The following VWF variants were observed in gnomAD, a reference collection of about 807,000 sequenced individuals.
VWF encodes the protein Factor VIII related antigen.
VWF carries 176 observed loss-of-function variants against 308.6 expected under a neutral mutation model. That is an observed-to-expected ratio of 0.57 (90% CI 0.50 to 0.65). The LOEUF (loss-of-function observed/expected upper bound fraction) is 0.65. Among genes scored for constraint, VWF ranks in the 30% least tolerant of loss-of-function variants. The probability of loss-of-function intolerance (pLI) is 0.00; values close to 1 mark genes in which losing one functional copy is unlikely to be tolerated. For missense variants in VWF, 3,146 were observed against 3,648.2 expected (o/e 0.86, Z 3.55); for synonymous variants, 1,385 against 1,443.4 (o/e 0.96, Z 0.92).
intron 47 of VWF, among the ~76,000 whole-genome samples, chr12:5,964,990 G>C (rs368114788): frequency 2.0e-5 from 3 of 152,190 alleles, no homozygotes. Context: ...TCTCCTACCC[G>C]GCAGGGCCAG....
chr12:6,110,452 C>G lies in VWF; in HGVS notation c.454G>C (p.Asp152His), dbSNP rs754806588. The G allele has an allele frequency of 1.2e-6, 2 of 1,614,196 alleles. No homozygotes were observed. Among genetic ancestry groups the G allele is most frequent in the Non-Finnish European group, 1.7e-6 (2 of 1,180,044 alleles). ...GSGNFQVLLS[D>H]RYFNKTCGLC... The stretch of plus-strand genomic sequence containing the variant: ...CCGCAGGTCTTGTTGAAGTATCTGT[C>G]TGACAGCAGGACTTGAAAGTTGCCG... Residue 152 changes from aspartate (D) to histidine (H), a missense_variant, in exon 5 of 52, where the codon GAC (aspartate) becomes CAC (histidine). Coordinates refer to ENST00000261405, the MANE Select transcript of VWF (RefSeq NM_000552.5).
chr12:5,992,096 T>G, intron 37 of VWF, 78 bp from the exon 38 acceptor site: 1 of 1,380,450 alleles, frequency 7.2e-7, no homozygotes, highest in Non-Finnish European at 1.0e-6. Flanking sequence ...TCAACATGGT[T>G]AATCATCAGA....
intron 39 of VWF, 49 bp from the exon 40 acceptor site, chr12:5,985,168 A>G (rs1306252007): frequency 1.3e-6 from 2 of 1,569,424 alleles, no homozygotes. Context: ...GTGGTGGGAC[A>G]GCCTCAGAGG....
intron 18 of VWF, among the ~76,000 whole-genome samples, 166 bp downstream of exon 18, chr12:6,044,125 G>GCC (rs879669042): frequency 0.039 from 6,008 of 152,162 alleles, 148 homozygotes; most frequent in Middle Eastern, 0.068. Flanking sequence ...GCAGGGAGGA[G>GCC]ACAGAAGAGC....
rs116426531 is a variant in VWF, at chr12:5,986,113, G to A, written c.6799-448C>T. On this transcript the variant is annotated intron_variant, in intron 38 of 51. Coordinates refer to ENST00000261405, the MANE Select transcript of VWF (RefSeq NM_000552.5). Reference sequence around the variant, plus strand: ...TGAAAGCATCACATTCTTGATGCCCGCAGTGACTTTAGAGGCCTGAGTGCA... The same window carrying A: ...TGAAAGCATCACATTCTTGATGCCCACAGTGACTTTAGAGGCCTGAGTGCA... 7.2e-3 allele frequency among the ~76,000 whole-genome samples: 1,088 copies of A among 152,150 alleles called. 15 individuals carry two copies. The highest frequency in any genetic ancestry group is 0.025 in the African/African-American group (1,019 of 41,494).
chr12:6,064,441 A>T, intron 11 of VWF, 57 bp from the exon 12 acceptor site: 1 of 1,607,666 alleles, frequency 6.2e-7, no homozygotes, highest in Admixed American at 1.7e-5. Context: ...CCAGCTCCCC[A>T]GCCCAGGACC....
At chr12:6,057,799 G>C (rs370984574) in intron 14 of VWF, 50 bp downstream of exon 14, 104 of 1,555,410 alleles carry the variant, frequency 6.7e-5, no homozygotes, top group Non-Finnish European at 8.3e-5. Context: ...CACTAATGTG[G>C]AGACCTCGAG....
Position 6,075,527 on chromosome 12 carries a change from G to A in VWF, c.682C>T (p.Leu228=), listed in dbSNP as rs371453614. 1 of 1,614,016 alleles carries A rather than the reference G, an allele frequency of 6.2e-7. No homozygotes were observed. Among genetic ancestry groups the A allele is most frequent in the Non-Finnish European group, 8.5e-7 (1 of 1,179,974 alleles). ...CGGGCAAACACCGAGGTGCTCTTCA[G>A]AAGCTGGCACTGCTCCCACAGGCCC... ...QKGLWEQCQL[L]KSTSVFARCH... is the part of the protein sequence containing the mutation. The change falls in exon 7 of 52, where the codon CTG becomes TTG. Residue 228 remains leucine (L), a synonymous_variant. Transcript: ENST00000261405. The surrounding 1 kb of genome is among the most constrained non-coding windows in gnomAD (Gnocchi z 4.7).
At chr12:6,103,543 TATACAC>T (rs1555075337) in intron 5 of VWF, among the ~76,000 whole-genome samples, 1 of 82,766 alleles carries the variant, frequency 1.2e-5, no homozygotes, top group South Asian at 4.6e-4. Flanking sequence ...CACATATATG[TATACAC>T]ACACACACAC....
intron 43 of VWF, among the ~76,000 whole-genome samples, chr12:5,974,169 C>G (rs1943507893): frequency 6.6e-6 from 1 of 152,148 alleles, no homozygotes. Flanking sequence ...ATAATGCTAA[C>G]AATACTACCC....
chr12:5,987,324 G>A (rs561580639), intron 38 of VWF, among the ~76,000 whole-genome samples: 1 of 152,176 alleles, frequency 6.6e-6, no homozygotes, highest in Non-Finnish European at 1.5e-5. Flanking sequence ...TTACATTTAT[G>A]TACTTTATTT....
In VWF at chr12:6,058,293, A is replaced by G. The variant is rs1944613566; in HGVS notation, c.1534-249T>C. Among the ~76,000 whole-genome samples, 2 of 152,210 alleles carry G rather than the reference A, an allele frequency of 1.3e-5. No individual in the cohort carries two copies. Among genetic ancestry groups the G allele is most frequent in the African/African-American group, 4.8e-5 (2 of 41,450 alleles). ...GCCCTGTACTGCCACAAGAGATTTT[A>G]GAAATTATCAGATCATCTAAGGATG... On this transcript the variant is annotated intron_variant, in intron 13 of 51. Transcript: ENST00000261405. This position sits in a 1 kb window ranked among gnomAD's most constrained non-coding sequence, Gnocchi z 4.9.
intron 5 of VWF, among the ~76,000 whole-genome samples, chr12:6,100,184 C>G (rs2136506398): frequency 6.6e-6 from 1 of 151,952 alleles, no homozygotes; most frequent in South Asian, 2.1e-4. Flanking sequence ...AAATCAAAAC[C>G]ACATGAGATA....
At chr12:5,957,726 T>C (rs1565808751) in intron 47 of VWF, among the ~76,000 whole-genome samples, 1 of 152,158 alleles carries the variant, frequency 6.6e-6, no homozygotes, top group Non-Finnish European at 1.5e-5. Flanking sequence ...TGTGTTGTCA[T>C]CCAGCCCTGC....
At chr12:5,962,575 G>A (rs570214229) in intron 47 of VWF, among the ~76,000 whole-genome samples, 128 of 122,272 alleles carry the variant, frequency 1.0e-3, no homozygotes, top group Non-Finnish European at 1.6e-3. Flanking sequence ...ACAGAGTCTC[G>A]CTCTGTCACC....
intron 37 of VWF, among the ~76,000 whole-genome samples, chr12:5,992,409 C>T (rs533559027): frequency 1.9e-4 from 29 of 152,322 alleles, no homozygotes; most frequent in African/African-American, 6.5e-4. Flanking sequence ...AGAACTCCAT[C>T]TTAGACCATG....
At chr12:6,070,079 A>T (rs1944763877) in intron 10 of VWF, among the ~76,000 whole-genome samples, 1 of 152,240 alleles carries the variant, frequency 6.6e-6, no homozygotes, top group Admixed American at 6.5e-5. Flanking sequence ...TAAATGTTAA[A>T]AGTGTTTTCA....
chr12:6,051,282 T>TC (rs1240568449), intron 16 of VWF, among the ~76,000 whole-genome samples: 1 of 110,402 alleles, frequency 9.1e-6, no homozygotes. Flanking sequence ...GGACTTCTTT[T>TC]TTTCTTTTTT....
Position 6,121,241 on chromosome 12 carries a change from G to A in VWF, c.153C>T (p.Tyr51=), listed in dbSNP as rs769292275. ...GGTAACTGCAGTATCCCGCAAAGCT[G>A]TACATGCTCCCATCAAAGGTGTTGA... is the stretch of plus-strand genomic sequence containing the variant. ...DFVNTFDGSM[Y]SFAGYCSYLL... Residue 51 remains tyrosine (Y), a synonymous_variant, in exon 3 of 52, where the codon TAC becomes TAT. Coordinates refer to ENST00000261405, the MANE Select transcript of VWF (RefSeq NM_000552.5). The A allele has an allele frequency of 1.9e-6, 3 of 1,614,236 alleles. No homozygotes were observed. The highest frequency in any genetic ancestry group is 2.2e-5 in the East Asian group (1 of 44,876).
Sources: gnomAD v4.1 joint callset for allele counts (sites outside exome capture counted in the v4.1 genomes callset) on GRCh38, gnomAD v4.1.1 for gene constraint, Gnocchi (gnomAD v3.1) non-coding constraint, MANE v1.5 for transcripts, NCBI Gene and HGNC (gene_info 2026-07-23, HGNC 2026-07-21) for gene names.